The following JARID2 variants were observed in gnomAD, a reference collection of about 807,000 sequenced individuals.
JARID2 encodes the protein protein Jumonji.
In JARID2, 21 loss-of-function variants were observed where a neutral mutation model predicts 125.6. That is an observed-to-expected ratio of 0.17 (90% confidence interval 0.12 to 0.24). JARID2 has a LOEUF of 0.24. JARID2 is among the 10% of genes least tolerant of loss of function. JARID2 has a pLI of 1.00. For missense variants in JARID2, 1,303 were observed against 1,639.6 expected (o/e 0.79, Z 3.55); for synonymous variants, 736 against 661.6 (o/e 1.11, Z -1.73).
intron 3 of JARID2, among the ~76,000 whole-genome samples, chr6:15,422,985 CTTT>C (rs375223254): frequency 2.4e-5 from 3 of 125,914 alleles, no homozygotes; most frequent in Non-Finnish European, 3.3e-5. Context: ...GTAGCCTAGT[CTTT>C]TTTTTTTTTT....
At chr6:15,506,038 GAATT>G (rs1211779817) in intron 9 of JARID2, among the ~76,000 whole-genome samples, 3 of 152,240 alleles carry the variant, frequency 2.0e-5, no homozygotes, top group African/African-American at 7.2e-5. Flanking sequence ...TCTTATTCAG[GAATT>G]AATTCCCTCT....
At position 15,496,903 on chromosome 6, in the gene JARID2, C is replaced by T. The variant is rs1361293210; in HGVS notation, c.1678C>T (p.Leu560Phe). The change falls in exon 7 of 18, where the codon CTC (leucine) becomes TTC (phenylalanine). Residue 560 changes from leucine to phenylalanine, a missense_variant. Around this residue, in one of 11 missense-constraint regions of JARID2, gnomAD observed 651 missense variants for 581.6 expected, o/e 1.12. Transcript: ENST00000341776. ...GGCGGCCATGGACGAGATCCCCGTC[C>T]TCAGGCCCTCCGCCAAGGAGTTCCA... ...GWAAMDEIPV[L>F]RPSAKEFHDP... is the part of the protein sequence containing the mutation. The T allele has an allele frequency of 6.2e-7, 1 of 1,601,564 alleles. No individual in the cohort carries two copies. Among genetic ancestry groups the T allele is most frequent in the Non-Finnish European group, 8.5e-7 (1 of 1,171,738 alleles).
rs533494783 is a variant in JARID2, at chr6:15,246,878, G to C, written c.45+294G>C. On this transcript the variant is annotated intron_variant, in intron 1 of 17. Transcript: ENST00000341776. ...TTGGTGGAGCTTGAGGTGGGGGGTG[G>C]CTGCGGTAATGTAACTAAACTGCAT... is the stretch of plus-strand genomic sequence containing the variant. 1.2e-4 allele frequency among the ~76,000 whole-genome samples: 18 copies of C among 152,318 alleles called. No homozygotes were observed. In the South Asian group the frequency reaches 3.1e-3, roughly 26 times the overall value.
chr6:15,512,145 C>T, intron 13 of JARID2, 63 bp from the exon 14 acceptor site: 1 of 1,482,322 alleles, frequency 6.7e-7, no homozygotes, highest in South Asian at 1.2e-5. Context: ...CATACGTCAC[C>T]TGAAGACTGC....
intron 1 of JARID2, among the ~76,000 whole-genome samples, chr6:15,326,213 C>CT (rs923189293): frequency 1.3e-5 from 2 of 152,220 alleles, no homozygotes; most frequent in Non-Finnish European, 2.9e-5. Context: ...AAGCAAATCT[C>CT]AGACATTTTT....
At chr6:15,272,620 C>A (rs1374116458) in intron 1 of JARID2, among the ~76,000 whole-genome samples, 2 of 152,174 alleles carry the variant, frequency 1.3e-5, no homozygotes, top group Admixed American at 1.3e-4. Context: ...GGGTTGGACC[C>A]CCCTACCACT....
intron 1 of JARID2, chr6:15,315,095 T>C (rs1173580361): frequency 6.6e-6 from 1 of 152,240 alleles, no homozygotes. Flanking sequence ...CTTACCAATA[T>C]GTTTTGAATA....
chr6:15,304,673 A>C (rs1350189431), intron 1 of JARID2, among the ~76,000 whole-genome samples: 1 of 152,184 alleles, frequency 6.6e-6, no homozygotes, highest in African/African-American at 2.4e-5. Context: ...GTAGGCTTTA[A>C]AATCCACCCA....
At chr6:15,311,912 G>A (rs1389046810) in intron 1 of JARID2, among the ~76,000 whole-genome samples, 1 of 152,166 alleles carries the variant, frequency 6.6e-6, no homozygotes, top group East Asian at 1.9e-4. Flanking sequence ...TGTATTGCCA[G>A]AGGTGTGGCT....
intron 17 of JARID2, among the ~76,000 whole-genome samples, chr6:15,518,115 C>G (rs1195638400): frequency 1.3e-5 from 2 of 152,234 alleles, no homozygotes; most frequent in African/African-American, 4.8e-5. Context: ...GCAGTAAGCA[C>G]CTGCTGTGTC....
chr6:15,422,518 T>C (rs960014525), intron 3 of JARID2, among the ~76,000 whole-genome samples: 5 of 152,196 alleles, frequency 3.3e-5, no homozygotes, highest in Admixed American at 6.5e-5. Flanking sequence ...GTGCATGCTC[T>C]GTTTCCTGGA....
intron 1 of JARID2, among the ~76,000 whole-genome samples, chr6:15,340,081 T>G (rs1581431248): frequency 6.6e-6 from 1 of 152,242 alleles, no homozygotes; most frequent in South Asian, 2.1e-4. Context: ...CACCTCAGCC[T>G]CCTCAGTAGC....
At chr6:15,301,230 A>G (rs964804832) in intron 1 of JARID2, among the ~76,000 whole-genome samples, 3 of 152,060 alleles carry the variant, frequency 2.0e-5, no homozygotes, top group Non-Finnish European at 4.4e-5. Flanking sequence ...GCAAATGGGA[A>G]CTTGAGCTCT....
intron 7 of JARID2, among the ~76,000 whole-genome samples, chr6:15,500,501 T>C (rs929017231): frequency 2.0e-5 from 3 of 152,144 alleles, no homozygotes; most frequent in Admixed American, 2.0e-4. Context: ...CCAGGACCCC[T>C]ACCCACTCCT....
intron 1 of JARID2, among the ~76,000 whole-genome samples, chr6:15,328,700 T>C (rs1048469799): frequency 3.3e-5 from 5 of 152,216 alleles, no homozygotes; most frequent in Admixed American, 3.3e-4. Context: ...TCAAAATGTG[T>C]GTCTGTGGCC....
At chr6:15,285,967 CTA>C (rs1194093823) in intron 1 of JARID2, among the ~76,000 whole-genome samples, 1 of 152,198 alleles carries the variant, frequency 6.6e-6, no homozygotes, top group South Asian at 2.1e-4. Flanking sequence ...TGATGTATAA[CTA>C]TGAGCAGTGG....
chr6:15,488,418 G>A (rs1769988019), intron 6 of JARID2, among the ~76,000 whole-genome samples: 1 of 152,216 alleles, frequency 6.6e-6, no homozygotes, highest in Non-Finnish European at 1.5e-5. Context: ...TAAGTCATGG[G>A]ATCATTGATG....
intron 1 of JARID2, among the ~76,000 whole-genome samples, chr6:15,306,912 A>G (rs989860513): frequency 1.4e-5 from 2 of 148,132 alleles, no homozygotes; most frequent in African/African-American, 4.9e-5. Context: ...TATATAATCA[A>G]TTATATTAAT....
chr6:15,471,273 C>T (rs980159893), intron 5 of JARID2, among the ~76,000 whole-genome samples: 2 of 152,218 alleles, frequency 1.3e-5, no homozygotes, highest in Non-Finnish European at 2.9e-5. Flanking sequence ...TTTGGAGCTG[C>T]TGCTTGAAGC....
Sources: allele counts gnomAD v4.1 joint callset (sites outside exome capture counted in the v4.1 genomes callset), GRCh38; gene constraint gnomAD v4.1.1; regional missense constraint gnomAD v4.1.1; transcripts MANE v1.5; gene names NCBI Gene and HGNC (gene_info 2026-07-23, HGNC 2026-07-21).